Variants in CSMD1 observed in about 807,000 individuals in gnomAD.
The protein encoded by CSMD1 is CUB and sushi domain-containing protein 1.
In CSMD1, 213 loss-of-function variants were observed where a neutral mutation model predicts 417.5. The ratio of observed to expected loss-of-function variants is 0.51; its 90% confidence interval spans 0.46 to 0.57. The LOEUF (loss-of-function observed/expected upper bound fraction) is 0.57, where lower values mean the gene tolerates loss of function less well. Among genes scored for constraint, CSMD1 ranks in the 20% least tolerant of loss-of-function variants. The pLI, the probability that CSMD1 is intolerant of heterozygous loss-of-function variation, is 0.00. For missense variants in CSMD1, 6,923 were observed against 4,529.7 expected, an observed-to-expected ratio of 1.53 and a Z score of -15.17; for synonymous variants, 2,862 against 1,736.8, an observed-to-expected ratio of 1.65 and a Z score of -16.11.
chr8:4,848,901 T>C (rs1291342118), intron 1 of CSMD1, among the ~76,000 whole-genome samples: 1 of 152,242 alleles, frequency 6.6e-6, no homozygotes, highest in East Asian at 1.9e-4. Flanking sequence ...AGTTTTACTA[T>C]ATTGTACTTT....
intron 3 of CSMD1, among the ~76,000 whole-genome samples, chr8:4,298,862 A>T (rs2128871914): frequency 6.6e-6 from 1 of 152,186 alleles, no homozygotes; most frequent in East Asian, 1.9e-4. Context: ...ATACTGGTAT[A>T]ATTCTTTAAT....
chr8:4,323,679 A>G (rs1044518896), intron 3 of CSMD1, among the ~76,000 whole-genome samples: 1 of 152,160 alleles, frequency 6.6e-6, no homozygotes, highest in Non-Finnish European at 1.5e-5. Flanking sequence ...AACAAGAATT[A>G]TATAGGAAAT....
intron 3 of CSMD1, among the ~76,000 whole-genome samples, chr8:4,242,896 G>T (rs893968147): frequency 2.6e-5 from 4 of 152,164 alleles, no homozygotes; most frequent in Non-Finnish European, 5.9e-5. Context: ...TCATTAAAAT[G>T]TATGTTCTAA....
chr8:4,104,704 A>T (rs1316378891), intron 3 of CSMD1, among the ~76,000 whole-genome samples: 1 of 152,206 alleles, frequency 6.6e-6, no homozygotes, highest in East Asian at 1.9e-4. Flanking sequence ...TTCACACAAT[A>T]GCTGGCAACA....
At chr8:4,185,306 G>C (rs926444522) in intron 3 of CSMD1, among the ~76,000 whole-genome samples, 35 of 152,130 alleles carry the variant, frequency 2.3e-4, no homozygotes, top group African/African-American at 7.5e-4. Flanking sequence ...TTTTGTTTTA[G>C]GGACCCTGTC....
intron 2 of CSMD1, among the ~76,000 whole-genome samples, chr8:4,463,582 G>C (rs747339912): frequency 6.6e-6 from 1 of 152,060 alleles, no homozygotes. Context: ...TACAGAAGAA[G>C]TGAACTGCCG....
chr8:3,921,682 A>G (rs760154418), intron 5 of CSMD1, among the ~76,000 whole-genome samples: 1 of 152,048 alleles, frequency 6.6e-6, no homozygotes, highest in Non-Finnish European at 1.5e-5. Flanking sequence ...TAATTTTCAC[A>G]TATTTGTAAA....
At chr8:3,625,684 A>C (rs534228975) in intron 7 of CSMD1, among the ~76,000 whole-genome samples, 49 of 152,304 alleles carry the variant, frequency 3.2e-4, no homozygotes, top group African/African-American at 1.1e-3. Context: ...CATAAAAAAT[A>C]AAACGATTTG....
chr8:4,038,649 ATTCTCT>A (rs1299006252), intron 3 of CSMD1, among the ~76,000 whole-genome samples: 21 of 152,148 alleles, frequency 1.4e-4, no homozygotes, highest in Admixed American at 9.2e-4. Flanking sequence ...TCTACTTTTA[ATTCTCT>A]TTATTTATTT....
chr8:4,366,214 G>T (rs56938946), intron 3 of CSMD1, among the ~76,000 whole-genome samples: 2,429 of 151,564 alleles, frequency 0.016, 61 homozygotes, highest in African/African-American at 0.056. Context: ...TTAGGATAAT[G>T]GTCTTCAACT....
chr8:4,475,980 G>A (rs1585138266), intron 2 of CSMD1, among the ~76,000 whole-genome samples: 1 of 152,042 alleles, frequency 6.6e-6, no homozygotes, highest in South Asian at 2.1e-4. Flanking sequence ...TTGTTTATTT[G>A]CACAGTCATA....
intron 1 of CSMD1, among the ~76,000 whole-genome samples, chr8:4,755,924 C>G (rs1279071805): frequency 6.6e-6 from 1 of 152,144 alleles, no homozygotes; most frequent in African/African-American, 2.4e-5. Flanking sequence ...CCAGTGAACT[C>G]TACACATTAC....
intron 1 of CSMD1, among the ~76,000 whole-genome samples, chr8:4,975,609 C>G (rs970093293): frequency 2.6e-5 from 4 of 152,098 alleles, no homozygotes; most frequent in African/African-American, 9.7e-5. Context: ...CCTGTAGGCT[C>G]CAGGTACAAG....
chr8:4,067,817 G>T (rs1255582843), intron 3 of CSMD1, among the ~76,000 whole-genome samples: 1 of 151,936 alleles, frequency 6.6e-6, no homozygotes, highest in Non-Finnish European at 1.5e-5. Flanking sequence ...AGTGGCTCAT[G>T]TCTGTGATCC....
At chr8:4,014,237 T>A (rs1193805578) in intron 4 of CSMD1, among the ~76,000 whole-genome samples, 1 of 152,170 alleles carries the variant, frequency 6.6e-6, no homozygotes, top group Non-Finnish European at 1.5e-5. Flanking sequence ...GAAAAAAATC[T>A]AACAGAAGCA....
intron 1 of CSMD1, among the ~76,000 whole-genome samples, chr8:4,969,914 T>C (rs12676798): frequency 0.026 from 3,923 of 152,198 alleles, 145 homozygotes; most frequent in East Asian, 0.14. Context: ...GAGTTTGAGT[T>C]TGAAGTATAC....
Position 4,419,984 on chromosome 8 carries a change from C to G in CSMD1, c.384G>C (p.Val128=). 1 of 1,587,320 alleles carries G rather than the reference C, an allele frequency of 6.3e-7. No homozygotes were observed. The highest frequency in any genetic ancestry group is 8.6e-7 in the Non-Finnish European group (1 of 1,165,786). Residue 128 remains valine (V), a synonymous_variant, in exon 3 of 70, where the codon GTG becomes GTC. Coordinates refer to ENST00000635120, the MANE Select transcript of CSMD1 (RefSeq NM_033225.6). Reference sequence around the variant, plus strand: ...ATAATGCTTTGAAACCTTGGGCACTCACAGCGAAGTCTGTCGTGAACCACA... The same window carrying G: ...ATAATGCTTTGAAACCTTGGGCACTGACAGCGAAGTCTGTCGTGAACCACA... The part of the protein sequence containing the change: ...LTLWFTTDFA[V]SAQGFKALYE...
At chr8:4,652,938 G>C (rs1316582354) in intron 1 of CSMD1, among the ~76,000 whole-genome samples, 1 of 151,430 alleles carries the variant, frequency 6.6e-6, no homozygotes, top group Non-Finnish European at 1.5e-5. Flanking sequence ...GGTAATGTGA[G>C]TGATAGGGAG....
intron 11 of CSMD1, among the ~76,000 whole-genome samples, chr8:3,476,511 AC>A (rs1817433471): frequency 6.6e-6 from 1 of 152,104 alleles, no homozygotes; most frequent in African/African-American, 2.4e-5. Context: ...GAAACTACCA[AC>A]CTATCTTCCA....
Sources: gnomAD v4.1 joint callset for allele counts (sites outside exome capture counted in the v4.1 genomes callset) on GRCh38, gnomAD v4.1.1 for gene constraint, MANE v1.5 for transcripts, NCBI Gene and HGNC (gene_info 2026-07-23, HGNC 2026-07-21) for gene names.